ATRNL1: variants seen among roughly 807,000 people sequenced by gnomAD.
The protein encoded by ATRNL1 is attractin like 1, also known as attractin-like protein 1.
A neutral mutation model predicts 182.7 loss-of-function variants in ATRNL1; 95 were observed. The observed-to-expected ratio is 0.52, with a 90% CI of 0.44 to 0.62. The LOEUF (loss-of-function observed/expected upper bound fraction) is 0.62, where lower values mean the gene tolerates loss of function less well. Ranked by LOEUF, ATRNL1 falls within the 20% of genes least tolerant of loss-of-function variation. ATRNL1 has a pLI of 0.00. For synonymous variants in ATRNL1, 576 were observed against 568.3 expected (o/e 1.01, Z -0.19); for missense variants, 1,471 against 1,679.5 (o/e 0.88, Z 2.17).
intron 19 of ATRNL1, among the ~76,000 whole-genome samples, chr10:115,348,879 A>C (rs1038791710): frequency 7.9e-5 from 12 of 152,188 alleles, no homozygotes; most frequent in Non-Finnish European, 1.8e-4. Flanking sequence ...ATATTTTAAT[A>C]CAAATAGATA....
At chr10:115,516,610 T>C (rs188751357) in intron 24 of ATRNL1, among the ~76,000 whole-genome samples, 1 of 152,014 alleles carries the variant, frequency 6.6e-6, no homozygotes, top group East Asian at 1.9e-4. Context: ...TTATAATATA[T>C]TCCGAACTCT....
At chr10:115,676,506 A>T (rs116063030) in intron 26 of ATRNL1, among the ~76,000 whole-genome samples, 45 of 152,080 alleles carry the variant, frequency 3.0e-4, no homozygotes, top group African/African-American at 1.1e-3. Context: ...CAGATTAGTT[A>T]TATATAATTT....
intron 26 of ATRNL1, among the ~76,000 whole-genome samples, chr10:115,568,483 G>T (rs541057627): frequency 6.6e-6 from 1 of 151,826 alleles, no homozygotes; most frequent in Non-Finnish European, 1.5e-5. Flanking sequence ...AGGTAATATT[G>T]ATCATAAAGC....
chr10:115,093,870 C>G lies in ATRNL1; in HGVS notation c.120C>G (p.Asn40Lys), dbSNP rs781924619. 6.3e-7 allele frequency: 1 copy of G among 1,578,740 alleles called. No individual in the cohort carries two copies. The highest frequency in any genetic ancestry group is 1.2e-5 in the South Asian group (1 of 86,510). The change falls in exon 1 of 29, where the codon AAC (asparagine) becomes AAG (lysine). Residue 40 changes from asparagine to lysine, a missense_variant. By Grantham distance (94) the Asn-to-Lys change is moderately conservative. Coordinates refer to ENST00000355044, the MANE Select transcript of ATRNL1 (RefSeq NM_207303.4). This position sits in a 1 kb window ranked among gnomAD's most constrained non-coding sequence, Gnocchi z 6.1. Reference protein sequence around the residue: ...GGASSWLLDGNSWLLCYGFLY... With the variant: ...GGASSWLLDGKSWLLCYGFLY... ...CCTCCTCCTGGCTGCTGGACGGGAA[C>G]AGCTGGCTGCTGTGCTATGGCTTCC...
intron 27 of ATRNL1, among the ~76,000 whole-genome samples, chr10:115,815,415 A>ATGTGTGTGTGTGTGTGTG (rs367551845): frequency 1.8e-4 from 26 of 142,946 alleles, no homozygotes; most frequent in Non-Finnish European, 3.6e-4. Flanking sequence ...GTGTGTGTGT[A>ATGTGTGTGTGTGTGTGTG]TGTGTGTGTG....
At chr10:115,639,900 G>A (rs1051505432) in intron 26 of ATRNL1, among the ~76,000 whole-genome samples, 17 of 151,850 alleles carry the variant, frequency 1.1e-4, no homozygotes, top group South Asian at 2.1e-4. Context: ...GGTTTGTTGC[G>A]CCCATCAACC....
intron 28 of ATRNL1, among the ~76,000 whole-genome samples, chr10:115,854,893 C>T (rs183025253): frequency 2.6e-5 from 4 of 152,306 alleles, no homozygotes; most frequent in African/African-American, 9.6e-5. Flanking sequence ...TTGCTTCTCA[C>T]CTGGGTTGCT....
At chr10:115,492,163 G>A (rs2134660326) in intron 24 of ATRNL1, among the ~76,000 whole-genome samples, 1 of 152,288 alleles carries the variant, frequency 6.6e-6, no homozygotes, top group South Asian at 2.1e-4. Context: ...GCTGGGAGCT[G>A]CAGCCTGGAG....
intron 26 of ATRNL1, among the ~76,000 whole-genome samples, chr10:115,649,408 C>G (rs982606430): frequency 3.9e-5 from 6 of 152,020 alleles, no homozygotes; most frequent in Admixed American, 6.6e-5. Flanking sequence ...TATGTTATTG[C>G]TAGAGGTTTC....
intron 20 of ATRNL1, among the ~76,000 whole-genome samples, chr10:115,404,112 T>A (rs1017168025): frequency 3.3e-5 from 5 of 152,208 alleles, no homozygotes; most frequent in Admixed American, 6.5e-5. Flanking sequence ...ATGTTTGAGT[T>A]CTTTTGGAGT....
intron 24 of ATRNL1, among the ~76,000 whole-genome samples, chr10:115,493,166 G>T (rs1849390646): frequency 1.3e-5 from 2 of 151,920 alleles, no homozygotes; most frequent in African/African-American, 4.8e-5. Context: ...TTGCTACATG[G>T]GTAAACTGTG....
At chr10:115,434,205 T>G (rs561517463) in intron 21 of ATRNL1, among the ~76,000 whole-genome samples, 1 of 152,150 alleles carries the variant, frequency 6.6e-6, no homozygotes, top group African/African-American at 2.4e-5. Context: ...CTTATAGATA[T>G]ATAGCTCATT....
intron 28 of ATRNL1, among the ~76,000 whole-genome samples, chr10:115,906,277 T>C (rs1332307803): frequency 6.6e-6 from 1 of 152,224 alleles, no homozygotes; most frequent in African/African-American, 2.4e-5. Context: ...TGAAAACTAC[T>C]GGCTTGGCGA....
chr10:115,824,923 A>C (rs1037429097), intron 27 of ATRNL1, among the ~76,000 whole-genome samples: 3 of 152,222 alleles, frequency 2.0e-5, no homozygotes, highest in Non-Finnish European at 2.9e-5. Context: ...TCATTCTACT[A>C]TAAAGATACA....
intron 26 of ATRNL1, among the ~76,000 whole-genome samples, chr10:115,687,365 C>A (rs1946251280): frequency 6.6e-6 from 1 of 152,060 alleles, no homozygotes; most frequent in Admixed American, 6.6e-5. Flanking sequence ...TGCCATGTAG[C>A]ATTTGCCCTT....
chr10:115,309,095 A>G (rs1440302840), intron 17 of ATRNL1, among the ~76,000 whole-genome samples: 5 of 152,050 alleles, frequency 3.3e-5, no homozygotes, highest in Non-Finnish European at 7.4e-5. Flanking sequence ...TGGGTTCTCT[A>G]TTCTGTTCCA....
chr10:115,170,937 A>G, intron 7 of ATRNL1, 100 bp from the exon 8 acceptor site: 1 of 697,866 alleles, frequency 1.4e-6, no homozygotes, highest in Non-Finnish European at 2.1e-6. Flanking sequence ...TGTTGTGAAC[A>G]ATTACTAAAA....
At chr10:115,304,883 G>C (rs1490261089) in intron 17 of ATRNL1, among the ~76,000 whole-genome samples, 1 of 152,100 alleles carries the variant, frequency 6.6e-6, no homozygotes, top group East Asian at 1.9e-4. Flanking sequence ...AAGGTTGCCG[G>C]CTTGGCTCTA....
chr10:115,509,940 C>T (rs1850305150), intron 24 of ATRNL1, among the ~76,000 whole-genome samples: 2 of 151,896 alleles, frequency 1.3e-5, no homozygotes, highest in African/African-American at 2.4e-5. Context: ...ATCAAGATAT[C>T]AACATTAACT....
Sources: allele counts gnomAD v4.1 joint callset (sites outside exome capture counted in the v4.1 genomes callset), GRCh38; gene constraint gnomAD v4.1.1; non-coding constraint Gnocchi (gnomAD v3.1); transcripts MANE v1.5; gene names NCBI Gene and HGNC (gene_info 2026-07-23, HGNC 2026-07-21).